Variants in TAF2 observed in about 807,000 individuals in gnomAD.
TAF2 encodes the protein transcription initiation factor TFIID subunit 2.
A neutral mutation model predicts 138.5 loss-of-function variants in TAF2; 61 were observed. That is an observed-to-expected ratio of 0.44 (90% CI 0.36 to 0.54). The LOEUF (loss-of-function observed/expected upper bound fraction) is 0.54, where lower values mean the gene tolerates loss of function less well. TAF2 is among the 20% of genes least tolerant of loss of function. The pLI, the probability that TAF2 is intolerant of heterozygous loss-of-function variation, is 0.00. For synonymous variants in TAF2, 475 were observed against 469.9 expected (o/e 1.01, Z -0.14); for missense variants, 1,090 against 1,427.9 (o/e 0.76, Z 3.81).
chr8:119,814,328 C>T (rs1825297474), intron 3 of TAF2, among the ~76,000 whole-genome samples: 1 of 151,676 alleles, frequency 6.6e-6, no homozygotes, highest in Non-Finnish European at 1.5e-5. Flanking sequence ...TAAACTATTG[C>T]TATTACTTAA....
At chr8:119,746,966 T>C in intron 22 of TAF2, 32 bp from the exon 23 acceptor site, 1 of 1,600,116 alleles carries the variant, frequency 6.2e-7, no homozygotes, top group Non-Finnish European at 8.6e-7. Flanking sequence ...AATGAGTCAA[T>C]ATGCACATTG....
chr8:119,787,460 A>C (rs1823101089), intron 14 of TAF2, among the ~76,000 whole-genome samples: 1 of 152,220 alleles, frequency 6.6e-6, no homozygotes, highest in South Asian at 2.1e-4. Flanking sequence ...AAAAGAAGAC[A>C]TTTATGCGGC....
chr8:119,806,432 A>G, intron 3 of TAF2, 31 bp from the exon 4 acceptor site: 2 of 1,519,174 alleles, frequency 1.3e-6, no homozygotes, highest in South Asian at 2.2e-5. Context: ...ACTTTTAATA[A>G]TAAGCCATGT....
In TAF2 at chr8:119,818,591, A is replaced by G. The variant is rs1023036018; in HGVS notation, c.299+755T>C. ...AATGAAAAGTAAAATAATCAAAGGG[A>G]AAAAAATTTGTATGTGACAAAACAT... On this transcript the variant is annotated intron_variant, in intron 3 of 25. Transcript: ENST00000378164. Among the ~76,000 whole-genome samples the G allele has an allele frequency of 2.2e-4, 33 of 152,144 alleles. 1 individual carries two copies. Among genetic ancestry groups the G allele is most frequent in the African/African-American group, 7.0e-4 (29 of 41,426 alleles).
intron 23 of TAF2, among the ~76,000 whole-genome samples, chr8:119,746,373 C>CAAAAAA (rs11392436): frequency 4.4e-4 from 24 of 54,300 alleles, no homozygotes; most frequent in East Asian, 1.5e-3. Context: ...AACTCTGTCT[C>CAAAAAA]AAAAAAAAAA....
At chr8:119,803,826 T>TA in intron 5 of TAF2, 52 bp downstream of exon 5, 1 of 1,534,096 alleles carries the variant, frequency 6.5e-7, no homozygotes, top group Non-Finnish European at 8.9e-7. Context: ...TGCTTATACA[T>TA]AAAAAATGCA....
intron 3 of TAF2, among the ~76,000 whole-genome samples, chr8:119,817,328 A>G (rs1825544092): frequency 6.6e-6 from 1 of 152,138 alleles, no homozygotes; most frequent in South Asian, 2.1e-4. Context: ...CTCCTGTCAG[A>G]TCACCAGCAG....
intron 2 of TAF2, among the ~76,000 whole-genome samples, chr8:119,827,608 C>T (rs574971490): frequency 1.3e-5 from 2 of 152,324 alleles, no homozygotes; most frequent in Admixed American, 1.3e-4. Flanking sequence ...ATTGAGAAAC[C>T]TCCCACAGGA....
chr8:119,782,287 A>T (rs936255410), intron 16 of TAF2, among the ~76,000 whole-genome samples: 1 of 152,156 alleles, frequency 6.6e-6, no homozygotes, highest in Non-Finnish European at 1.5e-5. Flanking sequence ...CTTGCTATTG[A>T]TATTTTTAGG....
intron 3 of TAF2, among the ~76,000 whole-genome samples, chr8:119,817,900 G>C (rs1825579222): frequency 6.6e-6 from 1 of 152,180 alleles, no homozygotes; most frequent in Non-Finnish European, 1.5e-5. Context: ...TGGGGGGAAA[G>C]GGATGCAGAT....
Position 119,762,432 on chromosome 8 carries a change from C to A in TAF2, c.2541G>T (p.Arg847Ser). ...LNMEKLLPSY[R>S]HTITVSCLRA... ...AATCATACCTGACAGTGATGGTATG[C>A]CTGTAACTCGGAAGAAGTTTTTCCA... is the stretch of plus-strand genomic sequence containing the variant. The change falls in exon 19 of 26, where the codon AGG (arginine) becomes AGT (serine). Residue 847 changes from arginine to serine, a missense_variant. By Grantham distance (110) the Arg-to-Ser change is moderately radical. Transcript: ENST00000378164. The A allele has an allele frequency of 1.9e-6, 3 of 1,613,660 alleles. No homozygotes were observed. Among genetic ancestry groups the A allele is most frequent in the Non-Finnish European group, 1.7e-6 (2 of 1,179,762 alleles).
chr8:119,813,992 C>T (rs1825276269), intron 3 of TAF2, among the ~76,000 whole-genome samples: 1 of 152,016 alleles, frequency 6.6e-6, no homozygotes, highest in Non-Finnish European at 1.5e-5. Flanking sequence ...AACGTGGTGG[C>T]ATGCACATAT....
At chr8:119,800,336 G>C (rs1056742533) in intron 6 of TAF2, among the ~76,000 whole-genome samples, 2 of 152,134 alleles carry the variant, frequency 1.3e-5, no homozygotes, top group African/African-American at 2.4e-5. Flanking sequence ...TGTAAGGAAG[G>C]GATCCAGTTT....
chr8:119,768,089 C>A (rs1222467444), intron 18 of TAF2, among the ~76,000 whole-genome samples: 1 of 152,208 alleles, frequency 6.6e-6, no homozygotes, highest in Admixed American at 6.5e-5. Flanking sequence ...AGTCCGCCTT[C>A]CTCAGCGAAA....
intron 9 of TAF2, among the ~76,000 whole-genome samples, chr8:119,794,504 A>C (rs969289712): frequency 3.3e-5 from 5 of 152,204 alleles, no homozygotes; most frequent in African/African-American, 1.2e-4. Flanking sequence ...GGCAAACAGC[A>C]TAGAGAAGAA....
rs550548930 is a variant in TAF2 at position 119,740,768 on chromosome 8, T to C, written c.3337+1766A>G. On this transcript the variant is annotated intron_variant, in intron 25 of 25. Coordinates refer to ENST00000378164, the MANE Select transcript of TAF2 (RefSeq NM_003184.4). Reference sequence around the variant, plus strand: ...AAATAAATATATTTATAAATAAACCTTCAAAACACTATTATTTGTAAAATG... The same window carrying C: ...AAATAAATATATTTATAAATAAACCCTCAAAACACTATTATTTGTAAAATG... 2.0e-5 allele frequency among the ~76,000 whole-genome samples: 3 copies of C among 151,750 alleles called. No homozygotes were observed. In the South Asian group the frequency reaches 6.2e-4, roughly 32 times the overall value.
At chr8:119,826,957 C>G (rs1490543098) in intron 2 of TAF2, among the ~76,000 whole-genome samples, 1 of 152,082 alleles carries the variant, frequency 6.6e-6, no homozygotes, top group Non-Finnish European at 1.5e-5. Flanking sequence ...CTTTGGAAAG[C>G]CAAAGTAGGG....
chr8:119,802,099 T>C (rs893528547), intron 5 of TAF2, 74 bp from the exon 6 acceptor site: 3 of 1,248,564 alleles, frequency 2.4e-6, no homozygotes, highest in Non-Finnish European at 3.4e-6. Flanking sequence ...ATGCAAGTTA[T>C]TTTAGCATTT....
In TAF2 at chr8:119,785,227, T is replaced by C. The variant is rs1822938090; in HGVS notation, c.1833A>G (p.Glu611=). The change falls in exon 15 of 26, where the codon GAA becomes GAG. Residue 611 remains glutamate (E), a synonymous_variant. Coordinates refer to ENST00000378164, the MANE Select transcript of TAF2 (RefSeq NM_003184.4). Reference sequence around the variant, plus strand: ...CCATTGCAGAAAGATCCATATCAACTTCTTCTCCATTCATCAGTGGGATTT... The same window carrying C: ...CCATTGCAGAAAGATCCATATCAACCTCTTCTCCATTCATCAGTGGGATTT... ...KKKIPLMNGE[E]VDMDLSAMDA... 6.2e-7 allele frequency: 1 copy of C among 1,612,898 alleles called. No homozygotes were observed. Among genetic ancestry groups the C allele is most frequent in the Admixed American group, 1.7e-5 (1 of 59,982 alleles).
Sources: allele counts gnomAD v4.1 joint callset (sites outside exome capture counted in the v4.1 genomes callset), GRCh38; gene constraint gnomAD v4.1.1; transcripts MANE v1.5; gene names NCBI Gene and HGNC (gene_info 2026-07-23, HGNC 2026-07-21).